Variants in EPHA4 observed in about 807,000 individuals in gnomAD.
EPHA4 encodes ephrin type-A receptor 4.
In EPHA4, 19 loss-of-function variants were observed where a neutral mutation model predicts 108.3. That is an observed-to-expected ratio of 0.18 (90% CI 0.12 to 0.26). EPHA4 has a LOEUF of 0.26. EPHA4 is among the 10% of genes least tolerant of loss of function. The pLI, the probability that EPHA4 is intolerant of heterozygous loss-of-function variation, is 1.00. For synonymous variants in EPHA4, 449 were observed against 455.5 expected (o/e 0.99, Z 0.18); for missense variants, 917 against 1,254.0 (o/e 0.73, Z 4.06).
At chr2:221,555,204 G>T (rs538883067) in intron 3 of EPHA4, among the ~76,000 whole-genome samples, 17 of 152,304 alleles carry the variant, frequency 1.1e-4, no homozygotes, top group Admixed American at 3.9e-4. Context: ...TGTGCAAATA[G>T]TCTCCTCTCT....
At chr2:221,537,081 C>T (rs1203736590) in intron 3 of EPHA4, among the ~76,000 whole-genome samples, 2 of 152,196 alleles carry the variant, frequency 1.3e-5, no homozygotes, top group Admixed American at 6.5e-5. Context: ...TGAACTGTTG[C>T]ATTTAATCCA....
intron 3 of EPHA4, among the ~76,000 whole-genome samples, chr2:221,540,517 A>G (rs553950621): frequency 6.6e-6 from 1 of 152,316 alleles, no homozygotes; most frequent in African/African-American, 2.4e-5. Context: ...TCAAGAGATG[A>G]ATACACCACA....
chr2:221,565,676 T>C (rs922324836), intron 2 of EPHA4, among the ~76,000 whole-genome samples: 1 of 152,296 alleles, frequency 6.6e-6, no homozygotes, highest in Admixed American at 6.5e-5. Flanking sequence ...CTGTATCCTT[T>C]TCATCTGCCA....
chr2:221,465,576 A>T (rs958592600), intron 5 of EPHA4, among the ~76,000 whole-genome samples: 3 of 152,104 alleles, frequency 2.0e-5, no homozygotes, highest in African/African-American at 4.8e-5. Flanking sequence ...ACCTTCCTAG[A>T]TTCCTTTGTA....
intron 2 of EPHA4, among the ~76,000 whole-genome samples, chr2:221,568,110 C>A (rs551616908): frequency 2.0e-5 from 3 of 152,274 alleles, no homozygotes; most frequent in African/African-American, 7.2e-5. Context: ...ACTACTCAAT[C>A]CCCAAAGATT....
At chr2:221,465,957 G>C (rs1691298490) in intron 5 of EPHA4, among the ~76,000 whole-genome samples, 1 of 152,214 alleles carries the variant, frequency 6.6e-6, no homozygotes. Flanking sequence ...AGATTGGTCT[G>C]TGGTTTTGCA....
Position 221,425,800 on chromosome 2 carries a change from T to A in EPHA4, c.*228A>T, listed in dbSNP as rs1043054186. 3 of 524,938 alleles carry A rather than the reference T, an allele frequency of 5.7e-6. No individual in the cohort carries two copies. The highest frequency in any genetic ancestry group is 3.3e-5 in the Admixed American group (1 of 30,160). 32.5% of individuals were successfully genotyped at this position (524,938 alleles called of 1,614,324 possible). On this transcript the variant is annotated 3_prime_UTR_variant, in exon 17 of 18. Transcript: ENST00000281821. ...GACTGGTGATGAACAGAAAAGTACT[T>A]CTGAGAAACGATTTGTTCCAGGTCT...
intron 6 of EPHA4, 24 bp downstream of exon 6, chr2:221,457,842 G>T: frequency 1.2e-6 from 2 of 1,605,890 alleles, no homozygotes; most frequent in Non-Finnish European, 8.5e-7. Flanking sequence ...GAAAGGAAAG[G>T]AGTGTTGTTC....
In EPHA4 at chr2:221,571,316, GC is replaced by G. The variant is rs1039726847; in HGVS notation, c.91+841del. ...GTTTCTCAGAAACTAAATGATCACC[GC>G]CCCCCCGCCCCGCCCCACCTCCCGA... is the stretch of plus-strand genomic sequence containing the variant. On this transcript the variant is annotated intron_variant, in intron 1 of 17. Coordinates refer to ENST00000281821, the MANE Select transcript of EPHA4 (RefSeq NM_004438.5). This position sits in a 1 kb window ranked among gnomAD's most constrained non-coding sequence, Gnocchi z 6.3. Among the ~76,000 whole-genome samples, 1 of 127,736 alleles carries G rather than the reference GC, an allele frequency of 7.8e-6. No homozygotes were observed. The highest frequency in any genetic ancestry group is 1.7e-5 in the Non-Finnish European group (1 of 60,040). 83.8% of individuals were successfully genotyped at this position (127,736 alleles called of 152,430 possible).
intron 3 of EPHA4, among the ~76,000 whole-genome samples, chr2:221,561,242 A>AAAATAAATAAAT (rs61027528): frequency 6.6e-5 from 10 of 150,968 alleles, no homozygotes; most frequent in African/African-American, 2.5e-4. Context: ...ACTCCATCTC[A>AAAATAAATAAAT]AAATAAATAA....
intron 7 of EPHA4, among the ~76,000 whole-genome samples, chr2:221,455,868 C>T (rs1037628629): frequency 6.6e-6 from 1 of 152,190 alleles, no homozygotes; most frequent in African/African-American, 2.4e-5. Flanking sequence ...GCCACTTCCT[C>T]CTTGTACCCT....
In EPHA4 at chr2:221,443,579, G is replaced by A. The variant is rs373017524; in HGVS notation, c.1802C>T (p.Thr601Met). The A allele has an allele frequency of 7.4e-6, 12 of 1,613,910 alleles. No individual in the cohort carries two copies. The highest frequency in any genetic ancestry group is 2.7e-5 in the African/African-American group (2 of 75,014). The change falls in exon 10 of 18, where the codon ACG becomes ATG. Residue 601 changes from threonine (T) to methionine (M), a missense_variant. Thr to Met is a moderately conservative substitution (Grantham distance 81). Transcript: ENST00000281821. ...CACTGCTTGGTTGGGATCTTCGTAC[G>A]TAAAGGGGTCCACATATGTTCTTAC... ...QGVRTYVDPF[T>M]YEDPNQAVRE... is the part of the protein sequence containing the mutation.
intron 8 of EPHA4, among the ~76,000 whole-genome samples, chr2:221,451,526 G>A (rs1690785116): frequency 6.6e-6 from 1 of 152,096 alleles, no homozygotes; most frequent in East Asian, 1.9e-4. Flanking sequence ...TGATTTGCTG[G>A]AGAGAATGTA....
chr2:221,502,039 A>T (rs558553070), intron 3 of EPHA4, among the ~76,000 whole-genome samples: 1 of 152,018 alleles, frequency 6.6e-6, no homozygotes, highest in Non-Finnish European at 1.5e-5. Context: ...CGGGCCATAT[A>T]GTTTTTTATA....
At chr2:221,438,182 T>A (rs1004265420) in intron 11 of EPHA4, among the ~76,000 whole-genome samples, 7 of 134,206 alleles carry the variant, frequency 5.2e-5, no homozygotes, top group Admixed American at 3.1e-4. Flanking sequence ...CCCCTACCTA[T>A]TTTTTTTTTC....
At chr2:221,427,725 AC>A (rs1350016953) in intron 15 of EPHA4, among the ~76,000 whole-genome samples, 1 of 152,220 alleles carries the variant, frequency 6.6e-6, no homozygotes, top group Admixed American at 6.5e-5. Context: ...TATCATTACT[AC>A]TAAATTTTCA....
At chr2:221,568,200 A>G (rs1694725677) in intron 2 of EPHA4, among the ~76,000 whole-genome samples, 1 of 152,270 alleles carries the variant, frequency 6.6e-6, no homozygotes, top group South Asian at 2.1e-4. Context: ...ACACAAGTTC[A>G]CATGACTGTC....
intron 11 of EPHA4, among the ~76,000 whole-genome samples, chr2:221,439,496 T>G (rs10192031): frequency 1.3e-5 from 2 of 151,672 alleles, no homozygotes; most frequent in African/African-American, 4.8e-5. Context: ...CTTTTCTTTT[T>G]TTTTTTTAAG....
In EPHA4 at chr2:221,564,258, A is replaced by C; in HGVS notation, c.296T>G (p.Ile99Ser). ...GTCCCTCAAGGTGAATTTAATCTCA[A>C]TATACACCCTCTGAGCCCCTTCTCG... ...ITREGAQRVY[I>S]EIKFTLRDCN... Residue 99 changes from isoleucine to serine, a missense_variant, in exon 3 of 18, where the codon ATT (isoleucine) becomes AGT (serine). Transcript: ENST00000281821. The C allele has an allele frequency of 3.7e-6, 6 of 1,614,118 alleles. No homozygotes were observed. Among genetic ancestry groups the C allele is most frequent in the Non-Finnish European group, 5.1e-6 (6 of 1,180,018 alleles).
Sources: gnomAD v4.1 joint callset for allele counts (sites outside exome capture counted in the v4.1 genomes callset) on GRCh38, gnomAD v4.1.1 for gene constraint, Gnocchi (gnomAD v3.1) non-coding constraint, MANE v1.5 for transcripts, NCBI Gene and HGNC (gene_info 2026-07-23, HGNC 2026-07-21) for gene names.